KLHL29: variants seen among roughly 807,000 people sequenced by gnomAD.
The protein encoded by KLHL29 is kelch-like protein 29.
Under a neutral mutation model 80.4 loss-of-function variants are expected in KLHL29, and 21 were observed. The observed-to-expected ratio is 0.26, with a 90% CI of 0.19 to 0.38. The LOEUF (loss-of-function observed/expected upper bound fraction) is 0.38, where lower values mean the gene tolerates loss of function less well. KLHL29 is among the 10% of genes least tolerant of loss of function. KLHL29 has a pLI of 1.00. For synonymous variants in KLHL29, 511 were observed against 526.8 expected, an observed-to-expected ratio of 0.97 and a Z score of 0.41; for missense variants, 867 against 1,223.9, an observed-to-expected ratio of 0.71 and a Z score of 4.35.
intron 2 of KLHL29, among the ~76,000 whole-genome samples, chr2:23,496,805 C>T (rs1665279052): frequency 6.6e-6 from 1 of 152,238 alleles, no homozygotes; most frequent in Admixed American, 6.5e-5. Flanking sequence ...CAGACTTCTG[C>T]ATCCATACAT....
chr2:23,417,809 T>C (rs1439742380), intron 1 of KLHL29, among the ~76,000 whole-genome samples: 1 of 152,180 alleles, frequency 6.6e-6, no homozygotes. Context: ...GCCTGGATTT[T>C]TAGCCTTGAG....
intron 2 of KLHL29, among the ~76,000 whole-genome samples, chr2:23,541,930 G>C (rs950840403): frequency 6.6e-6 from 1 of 152,144 alleles, no homozygotes; most frequent in South Asian, 2.1e-4. Flanking sequence ...GGCAATGGCC[G>C]TAGTGGTGCA....
chr2:23,496,694 C>A (rs185019272), intron 2 of KLHL29, among the ~76,000 whole-genome samples: 2 of 152,234 alleles, frequency 1.3e-5, no homozygotes, highest in African/African-American at 4.8e-5. Flanking sequence ...GGGACCACCG[C>A]TGTCTCTGCT....
intron 3 of KLHL29, among the ~76,000 whole-genome samples, chr2:23,583,999 T>C (rs1172527425): frequency 6.6e-6 from 1 of 152,166 alleles, no homozygotes. Flanking sequence ...AGCAGGTCAT[T>C]TTATAGAATT....
intron 1 of KLHL29, among the ~76,000 whole-genome samples, chr2:23,444,236 G>A (rs137909106): frequency 1.1e-4 from 16 of 152,200 alleles, no homozygotes; most frequent in South Asian, 6.2e-4. Context: ...TAAATTATGC[G>A]TTCAAACTGA....
At chr2:23,679,902 G>A (rs564518225) in intron 5 of KLHL29, among the ~76,000 whole-genome samples, 10 of 152,172 alleles carry the variant, frequency 6.6e-5, no homozygotes, top group African/African-American at 2.2e-4. Flanking sequence ...AGATCCAGGC[G>A]GAGGGGACGG....
rs1049524673 is a variant in KLHL29 at position 23,592,502 on chromosome 2, G to A, written c.285+30021G>A. Among the ~76,000 whole-genome samples, 5 of 152,358 alleles carry A rather than the reference G, an allele frequency of 3.3e-5. No individual in the cohort carries two copies. The East Asian group carries it at 9.7e-4, about 29-fold the overall frequency. ...TGAGCTGCCCAGAGAGAGGCTCAGGGTCCACATGGCCGCAGGCCGGGGGCC... is the reference window on the plus strand; with the variant it reads ...TGAGCTGCCCAGAGAGAGGCTCAGGATCCACATGGCCGCAGGCCGGGGGCC... On this transcript the variant is annotated intron_variant, in intron 3 of 13. Coordinates refer to ENST00000486442, the MANE Select transcript of KLHL29 (RefSeq NM_052920.2).
chr2:23,465,028 A>C (rs1647272867), intron 1 of KLHL29, among the ~76,000 whole-genome samples: 1 of 152,214 alleles, frequency 6.6e-6, no homozygotes, highest in Admixed American at 6.5e-5. Flanking sequence ...CAGATCGCTT[A>C]ATTTGCTTCT....
chr2:23,439,928 A>G (rs1233809672), intron 1 of KLHL29, among the ~76,000 whole-genome samples: 1 of 151,446 alleles, frequency 6.6e-6, no homozygotes, highest in Non-Finnish European at 1.5e-5. Flanking sequence ...GTCTCCCATT[A>G]TTATTGTGTG....
At chr2:23,527,539 G>A (rs1457256297) in intron 2 of KLHL29, among the ~76,000 whole-genome samples, 1 of 152,022 alleles carries the variant, frequency 6.6e-6, no homozygotes, top group Non-Finnish European at 1.5e-5. Context: ...AGAACTTAGA[G>A]GCTGTGAGCA....
intron 1 of KLHL29, among the ~76,000 whole-genome samples, chr2:23,464,901 C>T (rs1442479077): frequency 6.6e-6 from 1 of 152,160 alleles, no homozygotes; most frequent in Non-Finnish European, 1.5e-5. Flanking sequence ...ATTTAAAATG[C>T]CCATAATCAA....
At chr2:23,638,647 G>T (rs1030988851) in intron 3 of KLHL29, among the ~76,000 whole-genome samples, 1 of 152,338 alleles carries the variant, frequency 6.6e-6, no homozygotes, top group Admixed American at 6.5e-5. Context: ...CTCACCTGCT[G>T]TCTGCTGGTG....
intron 1 of KLHL29, among the ~76,000 whole-genome samples, chr2:23,403,762 T>TGTGC (rs1194340525): frequency 2.7e-4 from 41 of 150,946 alleles, no homozygotes; most frequent in Middle Eastern, 3.4e-3. Context: ...TGTGTGTGTG[T>TGTGC]GTGCAGGCGC....
intron 2 of KLHL29, among the ~76,000 whole-genome samples, chr2:23,537,473 C>T (rs932194621): frequency 7.2e-6 from 1 of 138,168 alleles, no homozygotes; most frequent in East Asian, 2.0e-4. Flanking sequence ...CACAGGCACG[C>T]ACACGCTTCT....
Position 23,563,867 on chromosome 2 carries a change from CA to C in KLHL29, c.285+1387del, listed in dbSNP as rs142603756. On this transcript the variant is annotated intron_variant, in intron 3 of 13. Transcript: ENST00000486442. ...AGGCGGGGAGGGAAAGAATGTTGGA[CA>C]GGGGAGAGGAGATGGAGGATTATTT... Among the ~76,000 whole-genome samples the C allele has an allele frequency of 2.8e-3, 433 of 152,260 alleles. 5 individuals carry two copies. Among genetic ancestry groups the C allele is most frequent in the Admixed American group, 9.8e-3 (150 of 15,300 alleles).
intron 2 of KLHL29, among the ~76,000 whole-genome samples, chr2:23,556,488 A>C (rs1359859579): frequency 2.7e-5 from 4 of 150,594 alleles, no homozygotes; most frequent in Non-Finnish European, 4.4e-5. Flanking sequence ...AAAAAAAAAC[A>C]AAAAAAATAC....
At chr2:23,436,398 C>A (rs1332806125) in intron 1 of KLHL29, among the ~76,000 whole-genome samples, 4 of 150,562 alleles carry the variant, frequency 2.7e-5, no homozygotes, top group African/African-American at 9.8e-5. Flanking sequence ...CTTTGAGAGC[C>A]ACATTTTTTT....
At chr2:23,575,484 C>T (rs556302835) in intron 3 of KLHL29, among the ~76,000 whole-genome samples, 1 of 152,332 alleles carries the variant, frequency 6.6e-6, no homozygotes, top group East Asian at 1.9e-4. Flanking sequence ...TTGTCACCAT[C>T]ACTGACATTT....
intron 3 of KLHL29, among the ~76,000 whole-genome samples, chr2:23,600,164 T>G (rs1172177362): frequency 6.6e-6 from 1 of 152,148 alleles, no homozygotes; most frequent in Non-Finnish European, 1.5e-5. Flanking sequence ...TCAGATAAAT[T>G]TTTGACATAA....
Sources: gnomAD v4.1 joint callset for allele counts (sites outside exome capture counted in the v4.1 genomes callset) on GRCh38, gnomAD v4.1.1 for gene constraint, MANE v1.5 for transcripts, NCBI Gene and HGNC (gene_info 2026-07-23, HGNC 2026-07-21) for gene names.